Variants in DNAJC6 observed in about 807,000 individuals in gnomAD.
The protein encoded by DNAJC6 is auxilin.
Under a neutral mutation model 110.0 loss-of-function variants are expected in DNAJC6, and 34 were observed. The ratio of observed to expected loss-of-function variants is 0.31; its 90% CI spans 0.24 to 0.41. The LOEUF is 0.41. Among genes scored for constraint, DNAJC6 ranks in the 10% least tolerant of loss-of-function variants. The pLI is 1.00. For synonymous variants in DNAJC6, 406 were observed against 437.2 expected (o/e 0.93, Z 0.89); for missense variants, 1,031 against 1,207.8 (o/e 0.85, Z 2.17).
chr1:65,323,115 A>G (rs1645211605), intron 1 of DNAJC6, among the ~76,000 whole-genome samples: 1 of 152,194 alleles, frequency 6.6e-6, no homozygotes, highest in African/African-American at 2.4e-5. Flanking sequence ...TCTAGATTCA[A>G]GTTTTTAACA....
intron 1 of DNAJC6, chr1:65,279,122 G>T (rs1420231920): frequency 1.0e-6 from 1 of 985,404 alleles, no homozygotes; most frequent in Non-Finnish European, 1.2e-6. Flanking sequence ...CCCAGCACAA[G>T]GTATGTTTGA....
intron 10 of DNAJC6, 36 bp from the exon 11 acceptor site, chr1:65,389,511 G>C (rs1049298126): frequency 3.7e-6 from 6 of 1,613,646 alleles, no homozygotes; most frequent in Non-Finnish European, 5.1e-6. Context: ...TATTTCCTGT[G>C]TCTCATTGAT....
At chr1:65,315,285 G>A (rs1296885071) in intron 1 of DNAJC6, among the ~76,000 whole-genome samples, 4 of 145,770 alleles carry the variant, frequency 2.7e-5, no homozygotes. Context: ...TGAGAATAAT[G>A]TTTTTTTTTT....
At chr1:65,307,172 T>A (rs541926009), upstream of DNAJC6, among the ~76,000 whole-genome samples, 1 of 151,998 alleles carries the variant, frequency 6.6e-6, no homozygotes, top group South Asian at 2.1e-4. Context: ...AAAATTTTAA[T>A]GTTGAAATTG....
chr1:65,318,314 T>TC (rs1271050716), intron 1 of DNAJC6, among the ~76,000 whole-genome samples: 2 of 152,216 alleles, frequency 1.3e-5, no homozygotes, highest in Non-Finnish European at 2.9e-5. Flanking sequence ...TATGTTTTTT[T>TC]TTCTGTTAAT....
In DNAJC6 at chr1:65,364,610, G is replaced by GTTTTTTT. The variant is rs753560538; in HGVS notation, c.194-22_194-21insTTTTTTT. ...TTCTCTGCCATCACCATTTTTGTTTGTTTGTTTTTTTTTTTTTTTGGCAGG... is the reference window on the plus strand; with the variant it reads ...TTCTCTGCCATCACCATTTTTGTTTGTTTTTTTTTTGTTTTTTTTTTTTTTTGGCAGG... On this transcript the variant is annotated intron_variant, in intron 1 of 18. Transcript: ENST00000371069. The GTTTTTTT allele has an allele frequency of 1.2e-5, 18 of 1,442,512 alleles. 1 individual carries two copies. The East Asian group carries it at 1.8e-4, about 15-fold the overall frequency. The allele number at this position is 1,442,512 out of a possible 1,614,324, so 89.4% of individuals were successfully genotyped here. A position where few individuals can be genotyped will look rare whatever the true frequency, so the allele number is the denominator to read the frequency against.
intron 1 of DNAJC6, among the ~76,000 whole-genome samples, chr1:65,342,590 G>C (rs1230854005): frequency 2.0e-5 from 3 of 152,158 alleles, no homozygotes; most frequent in African/African-American, 7.2e-5. Flanking sequence ...TGTTACAGCA[G>C]CCCAAATGGT....
At chr1:65,273,546 A>T (rs1653573620) in intron 1 of DNAJC6, among the ~76,000 whole-genome samples, 1 of 151,806 alleles carries the variant, frequency 6.6e-6, no homozygotes, top group East Asian at 1.9e-4. Flanking sequence ...CAGTGAGCCG[A>T]GATCACACCA....
At chr1:65,307,012 C>CTATATATA (rs1458442591), upstream of DNAJC6, among the ~76,000 whole-genome samples, 10 of 80,042 alleles carry the variant, frequency 1.2e-4, no homozygotes, top group African/African-American at 3.8e-4. Flanking sequence ...CTCTCTCTCT[C>CTATATATA]TCTCTCTATA....
intron 4 of DNAJC6, 71 bp from the exon 5 acceptor site, chr1:65,379,331 T>C: frequency 6.3e-7 from 1 of 1,582,524 alleles, no homozygotes; most frequent in Non-Finnish European, 8.6e-7. Context: ...AAGATGTTGG[T>C]TGGTGTGATA....
chr1:65,318,852 TTAAAA>T (rs1645171333), intron 1 of DNAJC6, among the ~76,000 whole-genome samples: 3 of 152,042 alleles, frequency 2.0e-5, no homozygotes, highest in Middle Eastern at 3.4e-3. Context: ...ACACCAGAAC[TTAAAA>T]TAAAAGTTGA....
At chr1:65,374,615 A>T (rs1361457590) in intron 4 of DNAJC6, among the ~76,000 whole-genome samples, 1 of 152,064 alleles carries the variant, frequency 6.6e-6, no homozygotes, top group Non-Finnish European at 1.5e-5. Flanking sequence ...CTGTTGATTT[A>T]TGCATGTTGG....
At chr1:65,412,012 A>G (rs1448023044) in intron 18 of DNAJC6, among the ~76,000 whole-genome samples, 4 of 152,176 alleles carry the variant, frequency 2.6e-5, no homozygotes, top group Non-Finnish European at 5.9e-5. Context: ...CTGGCTTACA[A>G]TAGTAAGGAC....
chr1:65,406,054 G>C lies in DNAJC6; in HGVS notation c.2412G>C (p.Gln804His), dbSNP rs1250881469. ...PQPSMPHSSP[Q>H]NRPNYNVSFS... ...CCAGCATGCCCCACTCCTCTCCCCA[G>C]AACCGACCCAACTACAACGTGAGCT... Residue 804 changes from glutamine to histidine, a missense_variant, in exon 16 of 19, where the codon CAG becomes CAC. Physicochemically the swap from Gln to His is conservative, Grantham distance 24. Coordinates refer to ENST00000371069, the MANE Select transcript of DNAJC6 (RefSeq NM_001256864.2). 1.2e-6 allele frequency: 2 copies of C among 1,614,134 alleles called. No individual in the cohort carries two copies. The highest frequency in any genetic ancestry group is 2.7e-5 in the African/African-American group (2 of 75,032).
intron 1 of DNAJC6, among the ~76,000 whole-genome samples, chr1:65,303,939 G>T (rs910816118): frequency 6.6e-6 from 1 of 152,124 alleles, no homozygotes; most frequent in Non-Finnish European, 1.5e-5. Flanking sequence ...CTTTCACTTT[G>T]ATCAGTGGAA....
intron 1 of DNAJC6, among the ~76,000 whole-genome samples, chr1:65,358,231 T>C (rs895627668): frequency 2.3e-5 from 3 of 130,548 alleles, no homozygotes; most frequent in Non-Finnish European, 5.1e-5. Flanking sequence ...TTGCAGAAAA[T>C]TTAGAAAATA....
At chr1:65,282,644 G>C (rs1653889498) in intron 1 of DNAJC6, among the ~76,000 whole-genome samples, 2 of 152,282 alleles carry the variant, frequency 1.3e-5, no homozygotes, top group Admixed American at 1.3e-4. Flanking sequence ...GTACATAACT[G>C]GGATGGACTT....
chr1:65,411,782 C>T (rs1388709728), intron 18 of DNAJC6, among the ~76,000 whole-genome samples: 1 of 151,666 alleles, frequency 6.6e-6, no homozygotes, highest in Non-Finnish European at 1.5e-5. Flanking sequence ...CCAGCCTGGG[C>T]AACATGACAA....
chr1:65,349,414 G>C (rs1345109482), intron 1 of DNAJC6, among the ~76,000 whole-genome samples: 1 of 151,844 alleles, frequency 6.6e-6, no homozygotes, highest in Non-Finnish European at 1.5e-5. Context: ...ACCATTTCTG[G>C]TACACTTCAT....
Sources: gnomAD v4.1 joint callset for allele counts (sites outside exome capture counted in the v4.1 genomes callset) on GRCh38, gnomAD v4.1.1 for gene constraint, MANE v1.5 for transcripts, NCBI Gene and HGNC (gene_info 2026-07-23, HGNC 2026-07-21) for gene names.